SH3RF3: variants seen among roughly 807,000 people sequenced by gnomAD.
SH3RF3 encodes E3 ubiquitin-protein ligase SH3RF3.
SH3RF3 carries 29 observed loss-of-function variants against 66.3 expected under a neutral mutation model. The observed-to-expected ratio is 0.44, with a 90% confidence interval of 0.33 to 0.60. The LOEUF (loss-of-function observed/expected upper bound fraction) is 0.60. SH3RF3 is among the 20% of genes least tolerant of loss of function. The pLI is 0.04. For missense variants in SH3RF3, 1,194 were observed against 1,190.9 expected (o/e 1.00, Z -0.04); for synonymous variants, 583 against 532.0 (o/e 1.10, Z -1.32).
intron 1 of SH3RF3, among the ~76,000 whole-genome samples, chr2:109,143,109 A>G (rs1013920478): frequency 6.6e-6 from 1 of 152,202 alleles, no homozygotes; most frequent in Admixed American, 6.5e-5. Flanking sequence ...GATGGCCACA[A>G]GGTAACCTCA....
intron 1 of SH3RF3, among the ~76,000 whole-genome samples, chr2:109,148,663 G>A (rs1350739770): frequency 6.6e-6 from 1 of 152,234 alleles, no homozygotes; most frequent in African/African-American, 2.4e-5. Flanking sequence ...AAATGTGAAA[G>A]GGATAATTTC....
intron 9 of SH3RF3, among the ~76,000 whole-genome samples, chr2:109,499,022 C>T (rs886957577): frequency 3.3e-5 from 5 of 152,150 alleles, no homozygotes; most frequent in Non-Finnish European, 7.4e-5. Flanking sequence ...GGCCCCTCCT[C>T]TGAGAGGGAT....
Position 109,449,501 on chromosome 2 carries a change from A to G in SH3RF3, c.2148+12A>G, listed in dbSNP as rs572818269. 17 of 1,612,714 alleles carry G rather than the reference A, an allele frequency of 1.1e-5. No individual in the cohort carries two copies. Among genetic ancestry groups the G allele is most frequent in the South Asian group, 7.7e-5 (7 of 90,866 alleles). ...AGAAAAGTGAAAAGGTAAGAGGCCC[A>G]TCCTGGACGAGCCCTGGGCTCGAGG... On this transcript the variant is annotated intron_variant, in intron 8 of 9. Coordinates refer to ENST00000309415, the MANE Select transcript of SH3RF3 (RefSeq NM_001099289.3).
chr2:109,422,347 A>T (rs1249537312), intron 5 of SH3RF3, among the ~76,000 whole-genome samples: 2 of 152,016 alleles, frequency 1.3e-5, no homozygotes, highest in African/African-American at 4.8e-5. Flanking sequence ...CATAGCTTTG[A>T]CCTCTCCAGG....
intron 1 of SH3RF3, chr2:109,251,396 A>G: frequency 1.5e-6 from 1 of 685,442 alleles, no homozygotes; most frequent in East Asian, 3.0e-5. Flanking sequence ...TTTCCAAGGC[A>G]TCTGTGAGTG....
At chr2:109,289,190 C>G (rs1316792413) in intron 1 of SH3RF3, among the ~76,000 whole-genome samples, 1 of 152,162 alleles carries the variant, frequency 6.6e-6, no homozygotes, top group East Asian at 1.9e-4. Context: ...CAGAAAAAGC[C>G]CCTTTCTCTG....
At chr2:109,228,246 G>A (rs567004675) in intron 1 of SH3RF3, among the ~76,000 whole-genome samples, 6 of 152,288 alleles carry the variant, frequency 3.9e-5, no homozygotes, top group African/African-American at 1.4e-4. Flanking sequence ...TTGGTGGCAG[G>A]TGTTAGCAGT....
chr2:109,184,596 T>A (rs11123726), intron 1 of SH3RF3, among the ~76,000 whole-genome samples: 124,286 of 152,090 alleles, frequency 0.82, 50,911 homozygotes, highest in East Asian at 0.89. Context: ...CCCCATCCAG[T>A]GCTGGGGTGC....
chr2:109,493,180 AAC>A (rs1331295723), intron 9 of SH3RF3, among the ~76,000 whole-genome samples: 6 of 151,626 alleles, frequency 4.0e-5, no homozygotes, highest in African/African-American at 9.7e-5. Context: ...ACGCCATGCA[AAC>A]ACACACACCA....
At chr2:109,373,531 T>A (rs972473025) in intron 3 of SH3RF3, among the ~76,000 whole-genome samples, 20 of 152,170 alleles carry the variant, frequency 1.3e-4, no homozygotes, top group African/African-American at 4.8e-4. Flanking sequence ...CCAAGTGAAA[T>A]TTTTGAAAGA....
In SH3RF3 at chr2:109,449,404, A is replaced by G; in HGVS notation, c.2063A>G (p.Glu688Gly). ...GTCAGTGCCGCAAACCTCAACGGGGAGGCTGGAGGGGGGCCCATCGGTGTT... is the reference window on the plus strand; with the variant it reads ...GTCAGTGCCGCAAACCTCAACGGGGGGGCTGGAGGGGGGCCCATCGGTGTT... Reference protein sequence around the residue: ...PNVSAANLNGEAGGGPIGVLS... With the variant: ...PNVSAANLNGGAGGGPIGVLS... The change falls in exon 8 of 10, where the codon GAG (glutamate) becomes GGG (glycine). Residue 688 changes from glutamate (E) to glycine (G), a missense_variant. Transcript: ENST00000309415. 6.2e-7 allele frequency: 1 copy of G among 1,613,400 alleles called. No individual in the cohort carries two copies. Among genetic ancestry groups the G allele is most frequent in the Non-Finnish European group, 8.5e-7 (1 of 1,179,642 alleles).
chr2:109,306,891 T>C (rs1299010676), intron 1 of SH3RF3, among the ~76,000 whole-genome samples: 3 of 152,306 alleles, frequency 2.0e-5, no homozygotes, highest in Non-Finnish European at 4.4e-5. Flanking sequence ...GGGTGTGCGG[T>C]GTACGGTAGG....
chr2:109,146,378 T>TAATC (rs1355035923), intron 1 of SH3RF3, among the ~76,000 whole-genome samples: 1 of 152,160 alleles, frequency 6.6e-6, no homozygotes, highest in Admixed American at 6.5e-5. Context: ...TACTAGTGAC[T>TAATC]AATCACTCCT....
intron 1 of SH3RF3, among the ~76,000 whole-genome samples, chr2:109,142,695 G>A (rs1034669152): frequency 1.3e-5 from 2 of 152,196 alleles, no homozygotes; most frequent in Non-Finnish European, 2.9e-5. Context: ...ACTGAGCGGA[G>A]CATGGGCTGT....
chr2:109,152,357 A>G (rs540732435), intron 1 of SH3RF3, among the ~76,000 whole-genome samples: 1 of 152,304 alleles, frequency 6.6e-6, no homozygotes, highest in South Asian at 2.1e-4. Context: ...GCATTTGGCA[A>G]ATCCCTCTTA....
At chr2:109,361,396 C>T (rs1683048742) in intron 2 of SH3RF3, among the ~76,000 whole-genome samples, 1 of 152,160 alleles carries the variant, frequency 6.6e-6, no homozygotes, top group South Asian at 2.1e-4. Flanking sequence ...ATAATTTCTT[C>T]ATTTATATGT....
chr2:109,487,915 C>T (rs1033204435), intron 8 of SH3RF3, among the ~76,000 whole-genome samples: 1 of 152,226 alleles, frequency 6.6e-6, no homozygotes, highest in Non-Finnish European at 1.5e-5. Context: ...ACAAACACGA[C>T]CCCTGTACTT....
At chr2:109,414,534 T>A (rs1187156208) in intron 4 of SH3RF3, among the ~76,000 whole-genome samples, 2 of 152,292 alleles carry the variant, frequency 1.3e-5, no homozygotes, top group East Asian at 3.9e-4. Flanking sequence ...GACGCCATCT[T>A]GGCTACGGTC....
intron 1 of SH3RF3, among the ~76,000 whole-genome samples, chr2:109,264,137 G>A (rs544305859): frequency 4.6e-5 from 7 of 151,472 alleles, no homozygotes; most frequent in African/African-American, 9.7e-5. Context: ...GATCCACCTC[G>A]AGTCTGTGGG....
Sources: gnomAD v4.1 joint callset for allele counts (sites outside exome capture counted in the v4.1 genomes callset) on GRCh38, gnomAD v4.1.1 for gene constraint, MANE v1.5 for transcripts, NCBI Gene and HGNC (gene_info 2026-07-23, HGNC 2026-07-21) for gene names.